The following CELF6 variants were observed in gnomAD, a reference collection of about 807,000 sequenced individuals.
CELF6 encodes the protein CUGBP Elav-like family member 6.
CELF6 carries 32 observed loss-of-function variants against 53.1 expected under a neutral mutation model. That is an observed-to-expected ratio of 0.60 (90% CI 0.46 to 0.81). The LOEUF is 0.81. Ranked by LOEUF, CELF6 falls within the 30% of genes least tolerant of loss-of-function variation. CELF6 has a pLI of 0.00. For missense variants in CELF6, 539 were observed against 669.5 expected, an observed-to-expected ratio of 0.81 and a Z score of 2.15; for synonymous variants, 291 against 288.8, an observed-to-expected ratio of 1.01 and a Z score of -0.08.
intron 3 of CELF6, 54 bp downstream of exon 3, chr15:72,304,692 C>A: frequency 6.5e-7 from 1 of 1,541,648 alleles, no homozygotes; most frequent in South Asian, 1.1e-5. Context: ...CAGGTGTGGG[C>A]CCACCCTCCC....
chr15:72,315,992 C>T (rs2088359522), intron 1 of CELF6, 65 bp from the exon 2 acceptor site: 8 of 1,119,694 alleles, frequency 7.1e-6, no homozygotes, highest in South Asian at 1.4e-5. Flanking sequence ...TTCGAAATAC[C>T]CCACTAAGTT....
chr15:72,313,349 C>A (rs2088322684), intron 2 of CELF6, among the ~76,000 whole-genome samples: 1 of 152,222 alleles, frequency 6.6e-6, no homozygotes, highest in African/African-American at 2.4e-5. Context: ...GTAATCCCAG[C>A]ATTTTGGGAA....
At position 72,289,604 on chromosome 15, in the gene CELF6, G is replaced by A; in HGVS notation, c.747+23C>T. 1 of 1,485,234 alleles carries A rather than the reference G, an allele frequency of 6.7e-7. No individual in the cohort carries two copies. Among genetic ancestry groups the A allele is most frequent in the Non-Finnish European group, 8.9e-7 (1 of 1,125,656 alleles). 92.0% of individuals were successfully genotyped at this position (1,485,234 alleles called of 1,614,324 possible). On this transcript the variant is annotated intron_variant, in intron 6 of 12. Coordinates refer to ENST00000287202, the MANE Select transcript of CELF6 (RefSeq NM_052840.5). The surrounding 1 kb of genome is among the most constrained non-coding windows in gnomAD (Gnocchi z 7.6). ...CTGGCCCACCCACCTGCGCGCCCTCGCACGCAGGTGCCCGGTACCTACCGC... is the reference window on the plus strand; with the variant it reads ...CTGGCCCACCCACCTGCGCGCCCTCACACGCAGGTGCCCGGTACCTACCGC...
At position 72,319,566 on chromosome 15, in the gene CELF6, A is replaced by T; in HGVS notation, c.262+47T>A. 1 of 1,475,758 alleles carries T rather than the reference A, an allele frequency of 6.8e-7. No individual in the cohort carries two copies. Among genetic ancestry groups the T allele is most frequent in the Non-Finnish European group, 9.0e-7 (1 of 1,108,894 alleles). 91.4% of individuals were successfully genotyped at this position (1,475,758 alleles called of 1,614,324 possible). A position where few individuals can be genotyped will look rare whatever the true frequency, so the allele number is the denominator to read the frequency against. On this transcript the variant is annotated intron_variant, in intron 1 of 12. Coordinates refer to ENST00000287202, the MANE Select transcript of CELF6 (RefSeq NM_052840.5). This position sits in a 1 kb window ranked among gnomAD's most constrained non-coding sequence, Gnocchi z 5.0. ...TGGGGCTGGGCTGGGGTCGGGCCACACTCTAATCGGATTGGGGCTGGGCTG... is the reference window on the plus strand; with the variant it reads ...TGGGGCTGGGCTGGGGTCGGGCCACTCTCTAATCGGATTGGGGCTGGGCTG...
chr15:72,313,812 G>A (rs62022818), intron 2 of CELF6: 40,657 of 841,732 alleles, frequency 0.048, 1,074 homozygotes, highest in Non-Finnish European at 0.054. Context: ...TACTAATGCT[G>A]CTGTTACTAT....
chr15:72,317,301 A>T (rs1382807031), intron 1 of CELF6, among the ~76,000 whole-genome samples: 1 of 152,214 alleles, frequency 6.6e-6, no homozygotes, highest in Admixed American at 6.5e-5. Flanking sequence ...GAGAAAGTGG[A>T]TATGGTGAGC....
chr15:72,293,912 TC>T (rs1333339671), intron 3 of CELF6, among the ~76,000 whole-genome samples: 2 of 151,580 alleles, frequency 1.3e-5, no homozygotes, highest in Non-Finnish European at 2.9e-5. Flanking sequence ...CATGCTGGTC[TC>T]AAACTCCTGA....
chr15:72,287,651 C>A (rs1050755116), intron 11 of CELF6, among the ~76,000 whole-genome samples: 2 of 152,178 alleles, frequency 1.3e-5, no homozygotes, highest in African/African-American at 2.4e-5. Context: ...TTTTTCCTGG[C>A]ATGGGTTGGC....
At chr15:72,313,738 A>G (rs1567285519) in intron 2 of CELF6, 6 of 980,772 alleles carry the variant, frequency 6.1e-6, no homozygotes, top group Non-Finnish European at 7.3e-6. Context: ...ATTGACTCTC[A>G]GTTCTAGAAG....
intron 2 of CELF6, among the ~76,000 whole-genome samples, chr15:72,311,279 G>A (rs1213120263): frequency 6.6e-6 from 1 of 151,748 alleles, no homozygotes; most frequent in East Asian, 1.9e-4. Context: ...GGGATTACAA[G>A]TGTGAACCAC....
rs2088401261 is a variant in CELF6 at position 72,319,547 on chromosome 15, T to TGGGCTGGGGTC, written c.262+55_262+65dup. On this transcript the variant is annotated intron_variant, in intron 1 of 12. Transcript: ENST00000287202. The surrounding 1 kb of genome is among the most constrained non-coding windows in gnomAD (Gnocchi z 5.0). ...CTCTCGGCAGGGCTAGGGCTGGGGC[T>TGGGCTGGGGTC]GGGCTGGGGTCGGGCCACACTCTAA... 7.4e-7 allele frequency: 1 copy of TGGGCTGGGGTC among 1,353,110 alleles called. No individual in the cohort carries two copies. Among genetic ancestry groups the TGGGCTGGGGTC allele is most frequent in the Non-Finnish European group, 9.6e-7 (1 of 1,045,806 alleles). 83.8% of individuals were successfully genotyped at this position (1,353,110 alleles called of 1,614,324 possible).
Position 72,289,078 on chromosome 15 carries a change from C to A in CELF6, c.1030+60G>T. 3 of 1,379,014 alleles carry A rather than the reference C, an allele frequency of 2.2e-6. No homozygotes were observed. Among genetic ancestry groups the A allele is most frequent in the Non-Finnish European group, 2.9e-6 (3 of 1,029,092 alleles). 85.4% of individuals were successfully genotyped at this position (1,379,014 alleles called of 1,614,324 possible). On this transcript the variant is annotated intron_variant, in intron 8 of 12. Coordinates refer to ENST00000287202, the MANE Select transcript of CELF6 (RefSeq NM_052840.5). This position sits in a 1 kb window ranked among gnomAD's most constrained non-coding sequence, Gnocchi z 7.6. Reference sequence around the variant, plus strand: ...TCTTCCCAGGGAAGCCAGGCCCTAACCCCCCACCCCCCGCTCCCCACTCCA... The same window carrying A: ...TCTTCCCAGGGAAGCCAGGCCCTAAACCCCCACCCCCCGCTCCCCACTCCA...
At position 72,289,036 on chromosome 15, in the gene CELF6, A is replaced by C. The variant is rs2087962012; in HGVS notation, c.1030+102T>G. Reference sequence around the variant, plus strand: ...GTGGACGGCGGCTGTGAGAGACAGCAGGGAAGGAGGGGGATCTCTTCCCAG... The same window carrying C: ...GTGGACGGCGGCTGTGAGAGACAGCCGGGAAGGAGGGGGATCTCTTCCCAG... On this transcript the variant is annotated intron_variant, in intron 8 of 12. Coordinates refer to ENST00000287202, the MANE Select transcript of CELF6 (RefSeq NM_052840.5). The surrounding 1 kb of genome is among the most constrained non-coding windows in gnomAD (Gnocchi z 7.6). 1 of 1,253,818 alleles carries C rather than the reference A, an allele frequency of 8.0e-7. No homozygotes were observed. Among genetic ancestry groups the C allele is most frequent in the Non-Finnish European group, 1.1e-6 (1 of 904,374 alleles). 77.7% of individuals were successfully genotyped at this position (1,253,818 alleles called of 1,614,324 possible). A position where few individuals can be genotyped will look rare whatever the true frequency, so the allele number is the denominator to read the frequency against.
chr15:72,292,172 A>G, intron 3 of CELF6: 1 of 1,516,530 alleles, frequency 6.6e-7, no homozygotes, highest in Non-Finnish European at 8.9e-7. Context: ...GAGGGGCTCC[A>G]AGGAAAGCCC....
At chr15:72,287,195 A>G in intron 12 of CELF6, 42 bp downstream of exon 12, 2 of 1,558,024 alleles carry the variant, frequency 1.3e-6, no homozygotes, top group Admixed American at 1.9e-5. Flanking sequence ...GGAGGGCCTC[A>G]TCACTCAGGC....
At chr15:72,287,090 T>G in intron 12 of CELF6, 147 bp downstream of exon 12, 2 of 658,398 alleles carry the variant, frequency 3.0e-6, no homozygotes, top group Non-Finnish European at 5.1e-6. Context: ...AGTCTCCATC[T>G]GAGGTTTCCT....
intron 2 of CELF6, among the ~76,000 whole-genome samples, chr15:72,305,542 A>T (rs759334060): frequency 2.0e-5 from 3 of 152,182 alleles, no homozygotes; most frequent in African/African-American, 2.4e-5. Flanking sequence ...ACATTTCCCA[A>T]GCTGCTGTAT....
intron 3 of CELF6, among the ~76,000 whole-genome samples, chr15:72,298,280 A>T (rs1362266954): frequency 1.3e-5 from 2 of 152,180 alleles, no homozygotes; most frequent in African/African-American, 4.8e-5. Flanking sequence ...TTATGTTTAT[A>T]CTCAAAATCC....
At position 72,289,320 on chromosome 15, in the gene CELF6, C is replaced by G. The variant is rs35293819; in HGVS notation, c.881-33G>C. The G allele has an allele frequency of 7.9e-3, 12,138 of 1,537,324 alleles. 532 individuals carry two copies. In the African/African-American group the frequency reaches 0.089, roughly 11 times the overall value. ...CGGAAAAGGTCTGAGAGTCAGGCCG[C>G]CACCCCGCCCCGCCCGGCCCCTCCC... On this transcript the variant is annotated intron_variant, in intron 7 of 12. Coordinates refer to ENST00000287202, the MANE Select transcript of CELF6 (RefSeq NM_052840.5). The surrounding 1 kb of genome is among the most constrained non-coding windows in gnomAD (Gnocchi z 7.6).
Sources: allele counts gnomAD v4.1 joint callset (sites outside exome capture counted in the v4.1 genomes callset), GRCh38; gene constraint gnomAD v4.1.1; non-coding constraint Gnocchi (gnomAD v3.1); transcripts MANE v1.5; gene names NCBI Gene and HGNC (gene_info 2026-07-23, HGNC 2026-07-21).